The following JAK1 variants were observed in gnomAD, a reference collection of about 807,000 sequenced individuals.
JAK1 encodes Janus kinase 1.
Under a neutral mutation model 136.6 loss-of-function variants are expected in JAK1, and 16 were observed. The observed-to-expected ratio is 0.12, with a 90% confidence interval of 0.08 to 0.18. JAK1 has a LOEUF of 0.18. Among genes scored for constraint, JAK1 ranks in the 10% least tolerant of loss-of-function variants. The pLI is 1.00. For synonymous variants in JAK1, 492 were observed against 519.5 expected (o/e 0.95, Z 0.72); for missense variants, 859 against 1,450.1 (o/e 0.59, Z 6.62).
rs557011988 is a variant in JAK1 at position 65,004,782 on chromosome 1, G to A, written c.-78+39698C>T. ...AGTACAACTTCTTATCCAGGAAGAA[G>A]CTGGGACTTCCAGTGATGAGCAGAC... On this transcript the variant is annotated intron_variant, in intron 2 of 25. Transcript: ENST00000671954. Among the ~76,000 whole-genome samples, 3 of 152,326 alleles carry A rather than the reference G, an allele frequency of 2.0e-5. No homozygotes were observed. The East Asian group carries it at 5.8e-4, about 29-fold the overall frequency.
chr1:64,843,000 C>T (rs1484518885), intron 17 of JAK1, among the ~76,000 whole-genome samples: 1 of 152,180 alleles, frequency 6.6e-6, no homozygotes, highest in Non-Finnish European at 1.5e-5. Flanking sequence ...CTCCAGGTCT[C>T]TCCTCTGTCC....
chr1:64,918,668 G>C (rs1645441063), intron 1 of JAK1: 1 of 188,174 alleles, frequency 5.3e-6, no homozygotes, highest in South Asian at 1.0e-4. Flanking sequence ...ACTGAAGAAA[G>C]ATGGTCCAGA....
At chr1:65,045,071 G>A (rs1647172203) in intron 1 of JAK1, among the ~76,000 whole-genome samples, 1 of 152,238 alleles carries the variant, frequency 6.6e-6, no homozygotes, top group Non-Finnish European at 1.5e-5. Context: ...CTGAAGACTG[G>A]TGGGTCCACG....
At chr1:65,066,452 G>A (rs1569985260) in intron 1 of JAK1, among the ~76,000 whole-genome samples, 1 of 152,286 alleles carries the variant, frequency 6.6e-6, no homozygotes, top group East Asian at 1.9e-4. Context: ...GAAAACACTG[G>A]GAATGGGAGA....
intron 1 of JAK1, among the ~76,000 whole-genome samples, chr1:65,061,841 AT>A (rs1231197885): frequency 3.3e-5 from 5 of 152,152 alleles, no homozygotes; most frequent in Non-Finnish European, 5.9e-5. Flanking sequence ...AGGTTACAGA[AT>A]TTTTTTCTCT....
upstream of JAK1, among the ~76,000 whole-genome samples, chr1:64,968,359 A>T (rs952387765): frequency 6.6e-5 from 10 of 152,178 alleles, no homozygotes; most frequent in Non-Finnish European, 1.3e-4. Flanking sequence ...ACAGGCAAGT[A>T]ACAATTCAGT....
intron 1 of JAK1, among the ~76,000 whole-genome samples, chr1:64,896,730 A>G (rs960849578): frequency 6.6e-6 from 1 of 152,190 alleles, no homozygotes. Context: ...CAAACACAGG[A>G]CACACCCGAC....
At position 64,844,046 on chromosome 1, in the gene JAK1, CG is replaced by C; in HGVS notation, c.2403+17del. ...GAAAGCCCTCACTTGCCTCACGCCC[CG>C]GGAAACACCTGCTCACCTCAATCAG... is the stretch of plus-strand genomic sequence containing the variant. On this transcript the variant is annotated intron_variant, in intron 17 of 24. Transcript: ENST00000342505. This position sits in a 1 kb window ranked among gnomAD's most constrained non-coding sequence, Gnocchi z 5.7. The C allele has an allele frequency of 1.2e-6, 2 of 1,613,228 alleles. No individual in the cohort carries two copies. Among genetic ancestry groups the C allele is most frequent in the Non-Finnish European group, 1.7e-6 (2 of 1,179,778 alleles).
intron 1 of JAK1, among the ~76,000 whole-genome samples, chr1:64,905,532 C>G (rs963518331): frequency 6.6e-6 from 1 of 152,064 alleles, no homozygotes; most frequent in African/African-American, 2.4e-5. Flanking sequence ...GTATTGAAAG[C>G]AGATATTGTA....
intron 3 of JAK1, 91 bp downstream of exon 3, chr1:64,883,186 C>A: frequency 1.9e-6 from 2 of 1,077,046 alleles, no homozygotes; most frequent in South Asian, 3.5e-5. Flanking sequence ...ACTCTTTCTG[C>A]CCAGCAGCGC....
chr1:65,065,099 G>T (rs1338843555), intron 1 of JAK1, among the ~76,000 whole-genome samples: 1 of 152,128 alleles, frequency 6.6e-6, no homozygotes, highest in Non-Finnish European at 1.5e-5. Flanking sequence ...TTTAAAAGTT[G>T]ATCTTTTCAA....
At chr1:64,925,646 T>C (rs1402052813) in intron 1 of JAK1, among the ~76,000 whole-genome samples, 1 of 152,148 alleles carries the variant, frequency 6.6e-6, no homozygotes, top group Admixed American at 6.5e-5. Flanking sequence ...TAACTGGGCC[T>C]TCCACACCAT....
intron 1 of JAK1, among the ~76,000 whole-genome samples, chr1:64,891,153 C>A (rs1275524371): frequency 6.6e-6 from 1 of 150,780 alleles, no homozygotes; most frequent in Non-Finnish European, 1.5e-5. Context: ...AAAAAAAAAA[C>A]AATATCTACT....
chr1:64,869,459 C>T lies in JAK1; in HGVS notation c.499G>A (p.Val167Met). ...YLFAQGQYDL[V>M]KCLAPIRDPK... ...TCTCGAATAGGAGCCAGGCATTTCA[C>T]CAAATCATACTGTCCCTAGGAGCAA... The change falls in exon 6 of 25, where the codon GTG becomes ATG. Residue 167 changes from valine to methionine, a missense_variant. Val to Met is a conservative substitution (Grantham distance 21). Around this residue, in one of 4 missense-constraint regions of JAK1, gnomAD observed 353 missense variants for 494.0 expected, o/e 0.71. Coordinates refer to ENST00000342505, the MANE Select transcript of JAK1 (RefSeq NM_002227.4). The T allele has an allele frequency of 2.5e-6, 4 of 1,613,976 alleles. No homozygotes were observed. In the South Asian group the frequency reaches 4.4e-5, roughly 18 times the overall value.
chr1:64,902,551 T>TGAGAGAGAGAGAGAGAGAGAGAGAGAGA (rs142393341), intron 1 of JAK1, among the ~76,000 whole-genome samples: 1 of 102,356 alleles, frequency 9.8e-6, no homozygotes, highest in African/African-American at 4.7e-5. Context: ...CATGAATTTG[T>TGAGAGAGAGAGAGAGAGAGAGAGAGAGA]GAGAGAGAGA....
intron 21 of JAK1, 79 bp downstream of exon 21, chr1:64,838,386 T>C (rs974885786): frequency 3.8e-5 from 54 of 1,439,558 alleles, no homozygotes; most frequent in Middle Eastern, 2.3e-4. Flanking sequence ...CTTACCCACT[T>C]AGAGTCAAAT....
At chr1:65,008,264 C>T (rs1289446182) in intron 2 of JAK1, among the ~76,000 whole-genome samples, 1 of 152,124 alleles carries the variant, frequency 6.6e-6, no homozygotes, top group African/African-American at 2.4e-5. Context: ...GGGCAAAAGC[C>T]TGAAGGCAGA....
At chr1:64,978,383 A>G (rs1646515035) in intron 2 of JAK1, among the ~76,000 whole-genome samples, 1 of 152,244 alleles carries the variant, frequency 6.6e-6, no homozygotes. Context: ...TAATGTCCAG[A>G]AAGATAAACA....
rs1210664954 is a variant in JAK1, at chr1:65,014,939, C to A, written c.-78+29541G>T. Among the ~76,000 whole-genome samples the A allele has an allele frequency of 2.0e-5, 3 of 152,250 alleles. No homozygotes were observed. The East Asian group carries it at 5.8e-4, about 29-fold the overall frequency. On this transcript the variant is annotated intron_variant, in intron 2 of 25. Coordinates refer to the JAK1 transcript ENST00000671954. The stretch of plus-strand genomic sequence containing the variant: ...TGACCTCGTGATCCACCCGCCTCGG[C>A]CTCCCAAAGTGCTGGGATTACAGGC...
Sources: gnomAD v4.1 joint callset for allele counts (sites outside exome capture counted in the v4.1 genomes callset) on GRCh38, gnomAD v4.1.1 for gene constraint, gnomAD v4.1.1 regional missense constraint, Gnocchi (gnomAD v3.1) non-coding constraint, MANE v1.5 for transcripts, NCBI Gene and HGNC (gene_info 2026-07-23, HGNC 2026-07-21) for gene names.